Variants in ADAMTS2 observed in about 807,000 individuals in gnomAD.
The protein encoded by ADAMTS2 is A disintegrin and metalloproteinase with thrombospondin motifs 2.
A neutral mutation model predicts 123.0 loss-of-function variants in ADAMTS2; 50 were observed. The observed-to-expected ratio is 0.41, with a 90% confidence interval of 0.32 to 0.51. The LOEUF is 0.51. Among genes scored for constraint, ADAMTS2 ranks in the 20% least tolerant of loss-of-function variants. The probability of loss-of-function intolerance (pLI) is 0.35; values close to 1 mark genes in which losing one functional copy is unlikely to be tolerated. For synonymous variants in ADAMTS2, 678 were observed against 695.4 expected, an observed-to-expected ratio of 0.98 and a Z score of 0.39; for missense variants, 1,494 against 1,705.2, an observed-to-expected ratio of 0.88 and a Z score of 2.18.
Position 179,180,079 on chromosome 5 carries a change from G to A in ADAMTS2, c.975+993C>T, listed in dbSNP as rs552614053. On this transcript the variant is annotated intron_variant, in intron 5 of 21. Transcript: ENST00000251582. This position sits in a 1 kb window ranked among gnomAD's most constrained non-coding sequence, Gnocchi z 4.6. ...CCTCGGTGTTCTTATCTGTGAAATG[G>A]GCAGAGTCACAGTGTGCACCCCTCC... Among the ~76,000 whole-genome samples, 36 of 152,254 alleles carry A rather than the reference G, an allele frequency of 2.4e-4. No individual in the cohort carries two copies. Among genetic ancestry groups the A allele is most frequent in the Non-Finnish European group, 4.7e-4 (32 of 68,018 alleles).
chr5:179,291,198 T>G (rs978336381), intron 2 of ADAMTS2, among the ~76,000 whole-genome samples: 3 of 152,214 alleles, frequency 2.0e-5, no homozygotes, highest in Non-Finnish European at 4.4e-5. Context: ...TGCGGGGCTC[T>G]GGGATACAGC....
intron 13 of ADAMTS2, among the ~76,000 whole-genome samples, 200 bp downstream of exon 13, chr5:179,135,709 A>T (rs1387708191): frequency 6.6e-6 from 1 of 152,158 alleles, no homozygotes. Flanking sequence ...AGTCCTAGGC[A>T]TACTCAAGTC....
At position 179,113,879 on chromosome 5, in the gene ADAMTS2, G is replaced by A. The variant is rs139420412; in HGVS notation, c.3624C>T (p.Leu1208=). 9.3e-5 allele frequency: 150 copies of A among 1,614,016 alleles called. No individual in the cohort carries two copies. The highest frequency in any genetic ancestry group is 5.6e-4 in the African/African-American group (42 of 75,024). The stretch of plus-strand genomic sequence containing the variant: ...TCTTTCCATTTTATTAGAACTTTCC[G>A]AGCATCTCTTTCTTCCGCATCTCAT... ...LIDEMRKKEM[L]GKF The change falls in exon 22 of 22, where the codon CTC becomes CTT. Residue 1208 remains leucine, a synonymous_variant. Coordinates refer to ENST00000251582, the MANE Select transcript of ADAMTS2 (RefSeq NM_014244.5).
chr5:179,192,956 C>T (rs993812486), intron 4 of ADAMTS2, among the ~76,000 whole-genome samples: 9 of 152,214 alleles, frequency 5.9e-5, no homozygotes, highest in Non-Finnish European at 1.3e-4. Flanking sequence ...AGCTCAGCCG[C>T]ACGCGCCTTC....
At chr5:179,292,505 T>C (rs943890607) in intron 2 of ADAMTS2, among the ~76,000 whole-genome samples, 1 of 152,062 alleles carries the variant, frequency 6.6e-6, no homozygotes, top group Admixed American at 6.5e-5. Context: ...CCCCTAAATC[T>C]TCCTTGATAC....
chr5:179,291,490 C>T (rs542885497), intron 2 of ADAMTS2, among the ~76,000 whole-genome samples: 15 of 152,282 alleles, frequency 9.9e-5, no homozygotes, highest in African/African-American at 2.4e-4. Context: ...GCCTCCAAGC[C>T]GTGCTGGACA....
At chr5:179,266,861 C>T (rs1204378206) in intron 3 of ADAMTS2, among the ~76,000 whole-genome samples, 1 of 152,232 alleles carries the variant, frequency 6.6e-6, no homozygotes, top group Non-Finnish European at 1.5e-5. Flanking sequence ...CTCGCCTGCT[C>T]CCCAGTCCTG....
intron 3 of ADAMTS2, among the ~76,000 whole-genome samples, chr5:179,239,774 C>G (rs575100917): frequency 6.6e-6 from 1 of 151,924 alleles, no homozygotes; most frequent in African/African-American, 2.4e-5. Flanking sequence ...CCAGAGGGTG[C>G]GGGAAGAGGA....
chr5:179,137,999 C>G, intron 11 of ADAMTS2, 55 bp from the exon 12 acceptor site: 1 of 1,531,948 alleles, frequency 6.5e-7, no homozygotes, highest in Non-Finnish European at 8.8e-7. Context: ...GAGGCAGCAC[C>G]CGGGTGCCCT....
intron 5 of ADAMTS2, among the ~76,000 whole-genome samples, chr5:179,159,158 G>A (rs186376390): frequency 1.3e-5 from 2 of 152,306 alleles, no homozygotes. Context: ...GTCATCTAAG[G>A]CCTCGCATAG....
chr5:179,323,503 C>T (rs568313074), intron 2 of ADAMTS2, among the ~76,000 whole-genome samples: 3 of 152,360 alleles, frequency 2.0e-5, no homozygotes, highest in East Asian at 3.9e-4. Context: ...TGCCAGGGGC[C>T]GTTGGGACCT....
At chr5:179,304,548 A>C (rs1016213864) in intron 2 of ADAMTS2, among the ~76,000 whole-genome samples, 4 of 152,222 alleles carry the variant, frequency 2.6e-5, no homozygotes, top group Non-Finnish European at 5.9e-5. Flanking sequence ...TGAAAAATAC[A>C]ATAACAGAAA....
intron 4 of ADAMTS2, among the ~76,000 whole-genome samples, chr5:179,198,132 A>G (rs1292069142): frequency 2.0e-5 from 3 of 151,578 alleles, no homozygotes; most frequent in Non-Finnish European, 4.4e-5. Context: ...TGGTCTCCCA[A>G]TGCCCTCGGG....
At chr5:179,331,031 T>G (rs1757463441) in intron 2 of ADAMTS2, among the ~76,000 whole-genome samples, 1 of 151,994 alleles carries the variant, frequency 6.6e-6, no homozygotes, top group South Asian at 2.1e-4. Flanking sequence ...AGGAGCTGGC[T>G]CTGGGCTCTG....
At chr5:179,176,297 CCT>C (rs1763928588) in intron 5 of ADAMTS2, among the ~76,000 whole-genome samples, 1 of 152,138 alleles carries the variant, frequency 6.6e-6, no homozygotes, top group African/African-American at 2.4e-5. Context: ...AGCCCTGAGG[CCT>C]CTCTCCCAGG....
At chr5:179,149,173 T>C in intron 10 of ADAMTS2, among the ~76,000 whole-genome samples, 1 of 152,054 alleles carries the variant, frequency 6.6e-6, no homozygotes, top group East Asian at 1.9e-4. Context: ...TAACCCCCAG[T>C]GTGGGGGCCT....
At chr5:179,193,381 C>T (rs984982620) in intron 4 of ADAMTS2, among the ~76,000 whole-genome samples, 2 of 152,228 alleles carry the variant, frequency 1.3e-5, no homozygotes, top group African/African-American at 4.8e-5. Flanking sequence ...GTTATCCCCG[C>T]TGTGCCAGTG....
At chr5:179,116,048 T>C (rs935632270) in intron 21 of ADAMTS2, among the ~76,000 whole-genome samples, 36 of 152,064 alleles carry the variant, frequency 2.4e-4, no homozygotes, top group African/African-American at 8.5e-4. Context: ...TCTCGGTGCA[T>C]GGTGTTTCAG....
At chr5:179,336,264 C>T (rs1229436185) in intron 2 of ADAMTS2, among the ~76,000 whole-genome samples, 3 of 152,162 alleles carry the variant, frequency 2.0e-5, no homozygotes, top group African/African-American at 7.2e-5. Context: ...TGAAGAGTCA[C>T]GCTGTGAGGT....
Sources: allele counts gnomAD v4.1 joint callset (sites outside exome capture counted in the v4.1 genomes callset), GRCh38; gene constraint gnomAD v4.1.1; non-coding constraint Gnocchi (gnomAD v3.1); transcripts MANE v1.5; gene names NCBI Gene and HGNC (gene_info 2026-07-23, HGNC 2026-07-21).